The following EEF1B2 variants were observed in gnomAD, a reference collection of about 807,000 sequenced individuals.
EEF1B2 encodes eukaryotic translation elongation factor 1 beta 2, also known as elongation factor 1-beta.
A neutral mutation model predicts 28.3 loss-of-function variants in EEF1B2; 12 were observed. The ratio of observed to expected loss-of-function variants is 0.42; its 90% CI spans 0.27 to 0.69. The LOEUF is 0.69. EEF1B2 is among the 30% of genes least tolerant of loss of function. EEF1B2 has a pLI of 0.22. For missense variants in EEF1B2, 234 were observed against 272.6 expected (o/e 0.86, Z 1.00); for synonymous variants, 83 against 99.9 (o/e 0.83, Z 1.01).
chr2:206,162,889 A>C lies in EEF1B2; in HGVS notation c.*6A>C. 1 of 1,591,196 alleles carries C rather than the reference A, an allele frequency of 6.3e-7. No individual in the cohort carries two copies. The highest frequency in any genetic ancestry group is 8.5e-7 in the Non-Finnish European group (1 of 1,177,058). On this transcript the variant is annotated 3_prime_UTR_variant, in exon 6 of 6. Coordinates refer to ENST00000392222, the MANE Select transcript of EEF1B2 (RefSeq NM_001959.4). ...CTGCTTTCAACAAGATCTAAAATCCATCCTGGATCATGGCATTTAAATAAA... is the reference window on the plus strand; with the variant it reads ...CTGCTTTCAACAAGATCTAAAATCCCTCCTGGATCATGGCATTTAAATAAA...
At chr2:206,161,790 A>G (rs1331263470) in intron 3 of EEF1B2, 3 of 651,364 alleles carry the variant, frequency 4.6e-6, no homozygotes, top group South Asian at 3.2e-5. Flanking sequence ...AAAAGAATAC[A>G]TCGATCAGCA....
chr2:206,162,559 G>A lies in EEF1B2; in HGVS notation c.468G>A (p.Ala156=), dbSNP rs147791783. The change falls in exon 5 of 6, where the codon GCG becomes GCA. Residue 156 remains alanine (A), a synonymous_variant. Coordinates refer to ENST00000392222, the MANE Select transcript of EEF1B2 (RefSeq NM_001959.4). ...VKPWDDETDM[A]KLEECVRSIQ... ...CTTGGGATGATGAGACAGATATGGCGAAATTAGAGGAGTGCGTCAGAAGCA... is the reference window on the plus strand; with the variant it reads ...CTTGGGATGATGAGACAGATATGGCAAAATTAGAGGAGTGCGTCAGAAGCA... 1.5e-4 allele frequency: 246 copies of A among 1,613,280 alleles called. No homozygotes were observed. The African/African-American group carries it at 3.0e-3, about 20-fold the overall frequency.
Position 206,162,522 on chromosome 2 carries a change from TAGATGTGAA to T in EEF1B2, c.433_441del (p.Asp145_Lys147del). The T allele has an allele frequency of 6.2e-7, 1 of 1,613,350 alleles. No individual in the cohort carries two copies. Among genetic ancestry groups the T allele is most frequent in the East Asian group, 2.2e-5 (1 of 44,878 alleles). On this transcript the variant is annotated inframe_deletion, in exon 5 of 6. Coordinates refer to ENST00000392222, the MANE Select transcript of EEF1B2 (RefSeq NM_001959.4). ...CTTGTTGCCAAGTCTTCCATCTTACTAGATGTGAAACCTTGGGATGATGAGACAGATATG... is the reference window on the plus strand; with the variant it reads ...CTTGTTGCCAAGTCTTCCATCTTACTACCTTGGGATGATGAGACAGATATG...
chr2:206,161,039 T>A, intron 2 of EEF1B2: 1 of 611,582 alleles, frequency 1.6e-6, no homozygotes, highest in East Asian at 3.3e-5. Context: ...AGGGTGGAAG[T>A]TTGGGGAAGT....
At chr2:206,161,705 G>C in intron 3 of EEF1B2, 1 of 550,482 alleles carries the variant, frequency 1.8e-6, no homozygotes, top group Admixed American at 3.0e-5. Flanking sequence ...AGGAAGCGGA[G>C]GTTGCAGTGA....
intron 2 of EEF1B2, 192 bp downstream of exon 2, chr2:206,160,902 C>A: frequency 2.2e-6 from 2 of 899,138 alleles, no homozygotes; most frequent in Non-Finnish European, 3.5e-6. Flanking sequence ...ACATGGACAG[C>A]AGCAATTCAA....
chr2:206,160,517 C>A, intron 1 of EEF1B2, 71 bp from the exon 2 acceptor site: 2 of 1,609,866 alleles, frequency 1.2e-6, no homozygotes. Flanking sequence ...GTGATGCATA[C>A]GGTATTTATT....
intron 5 of EEF1B2, 29 bp downstream of exon 5, chr2:206,162,643 T>G: frequency 1.9e-6 from 3 of 1,596,506 alleles, no homozygotes; most frequent in Non-Finnish European, 2.6e-6. Context: ...TTTTTTTTTT[T>G]GAAACTAACA....
At chr2:206,162,436 A>C in intron 4 of EEF1B2, 53 bp from the exon 5 acceptor site, 1 of 1,608,768 alleles carries the variant, frequency 6.2e-7, no homozygotes, top group Non-Finnish European at 8.5e-7. Context: ...GTCTTGGAGT[A>C]GGGTGAAAAA....
At chr2:206,161,163 A>T in intron 2 of EEF1B2, 183 bp from the exon 3 acceptor site, 1 of 695,636 alleles carries the variant, frequency 1.4e-6, no homozygotes, top group Non-Finnish European at 2.4e-6. Context: ...CTCACATGGT[A>T]CTAATGCTTG....
Position 206,159,978 on chromosome 2 carries a change from C to T in EEF1B2, c.-2C>T, listed in dbSNP as rs763281729. On this transcript the variant is annotated 5_prime_UTR_variant, in exon 1 of 6. Transcript: ENST00000392222. ...CCCCAGCTCTCGGATACAGCCGACA[C>T]CATGGGTTTCGGAGACCTGAAAAGC... The T allele has an allele frequency of 2.4e-5, 38 of 1,612,200 alleles. No homozygotes were observed. The highest frequency in any genetic ancestry group is 3.1e-5 in the Non-Finnish European group (37 of 1,179,594).
Position 206,161,268 on chromosome 2 carries a change from T to TA in EEF1B2, c.204-74dup, listed in dbSNP as rs1576015059. On this transcript the variant is annotated intron_variant, in intron 2 of 5. Coordinates refer to ENST00000392222, the MANE Select transcript of EEF1B2 (RefSeq NM_001959.4). ...AAGGGATCTAGTGATAAGTAGTGAT[T>TA]AAAACAAGTTATTTTGTATTTTCTG... is the stretch of plus-strand genomic sequence containing the variant. 14 of 1,584,436 alleles carry TA rather than the reference T, an allele frequency of 8.8e-6. No homozygotes were observed. In the East Asian group the frequency reaches 3.1e-4, roughly 36 times the overall value.
chr2:206,162,164 G>T, intron 4 of EEF1B2, 60 bp downstream of exon 4: 1 of 1,524,424 alleles, frequency 6.6e-7, no homozygotes, highest in South Asian at 1.1e-5. Flanking sequence ...TTCAAAGCTT[G>T]ACCTTGAAGT....
At position 206,162,495 on chromosome 2, in the gene EEF1B2, C is replaced by T; in HGVS notation, c.404C>T (p.Ala135Val). The change falls in exon 5 of 6, where the codon GCA becomes GTA. Residue 135 changes from alanine to valine, a missense_variant. Ala to Val is a moderately conservative substitution (Grantham distance 64). Transcript: ENST00000392222. ...TGCTGTTTATTGTTTTTAGAACCTG[C>T]ACTTGTTGCCAAGTCTTCCATCTTA... ...QYESKKAKKP[A>V]LVAKSSILLD... is the part of the protein sequence containing the mutation. The T allele has an allele frequency of 3.7e-6, 6 of 1,612,548 alleles. No homozygotes were observed. Among genetic ancestry groups the T allele is most frequent in the Non-Finnish European group, 5.1e-6 (6 of 1,179,832 alleles).
chr2:206,161,293 G>A, intron 2 of EEF1B2, 53 bp from the exon 3 acceptor site: 1 of 1,601,436 alleles, frequency 6.2e-7, no homozygotes. Context: ...TGTATTTTCT[G>A]GAAAAGGATG....
chr2:206,162,413 TG>T, intron 4 of EEF1B2, 75 bp from the exon 5 acceptor site: 1 of 1,604,012 alleles, frequency 6.2e-7, no homozygotes, highest in South Asian at 1.1e-5. Context: ...CAAATTGAGA[TG>T]GATTTGTTTG....
intron 3 of EEF1B2, 104 bp downstream of exon 3, chr2:206,161,576 T>A: frequency 6.8e-7 from 1 of 1,465,790 alleles, no homozygotes; most frequent in Non-Finnish European, 9.4e-7. Flanking sequence ...AGGTCAGGAG[T>A]TGAAGACCAG....
At chr2:206,160,097 T>G (rs781248831) in intron 1 of EEF1B2, 38 bp downstream of exon 1, 5 of 1,602,070 alleles carry the variant, frequency 3.1e-6, no homozygotes, top group Non-Finnish European at 4.3e-6. Context: ...CGGGGAGGTT[T>G]CTCCGCCCGG....
intron 2 of EEF1B2, 68 bp downstream of exon 2, chr2:206,160,778 A>G (rs1475819002): frequency 8.7e-6 from 14 of 1,611,422 alleles, no homozygotes; most frequent in Middle Eastern, 3.3e-4. Flanking sequence ...TGTTCACATG[A>G]CAAAACTGGA....
Sources: gnomAD v4.1 joint callset for allele counts on GRCh38, gnomAD v4.1.1 for gene constraint, MANE v1.5 for transcripts, NCBI Gene and HGNC (gene_info 2026-07-23, HGNC 2026-07-21) for gene names.